Variants in FRMD5 observed in about 807,000 individuals in gnomAD.
FRMD5 encodes FERM domain containing 5, also known as FERM domain-containing protein 5.
In FRMD5, 20 loss-of-function variants were observed where a neutral mutation model predicts 69.0. The ratio of observed to expected loss-of-function variants is 0.29; its 90% confidence interval spans 0.20 to 0.42. The LOEUF is 0.42. FRMD5 is among the 10% of genes least tolerant of loss of function. The probability of loss-of-function intolerance (pLI) is 1.00; values close to 1 mark genes in which losing one functional copy is unlikely to be tolerated. For synonymous variants in FRMD5, 271 were observed against 260.1 expected (o/e 1.04, Z -0.40); for missense variants, 595 against 708.6 (o/e 0.84, Z 1.82).
At chr15:43,914,923 C>T (rs1245092158) in intron 4 of FRMD5, among the ~76,000 whole-genome samples, 2 of 152,018 alleles carry the variant, frequency 1.3e-5, no homozygotes, top group African/African-American at 4.8e-5. Context: ...GACAGGGTTT[C>T]ACCATTTTGG....
At chr15:44,010,206 T>C (rs1890649803) in intron 1 of FRMD5, among the ~76,000 whole-genome samples, 1 of 152,176 alleles carries the variant, frequency 6.6e-6, no homozygotes, top group African/African-American at 2.4e-5. Flanking sequence ...TGGCAATGAA[T>C]TACCAGAAAT....
chr15:44,038,520 C>CTTTATTTTTT (rs532847181), intron 1 of FRMD5, among the ~76,000 whole-genome samples: 2 of 63,200 alleles, frequency 3.2e-5, no homozygotes, highest in Non-Finnish European at 5.7e-5. Context: ...CTAGCCAGAG[C>CTTTATTTTTT]TTTTTTTTTT....
chr15:43,990,744 T>C (rs538721849), intron 1 of FRMD5, among the ~76,000 whole-genome samples: 2 of 152,284 alleles, frequency 1.3e-5, no homozygotes, highest in African/African-American at 2.4e-5. Context: ...AAGATAATAA[T>C]AACAGGTAAG....
chr15:43,957,274 C>A (rs893233906), intron 1 of FRMD5, among the ~76,000 whole-genome samples: 6 of 152,116 alleles, frequency 3.9e-5, no homozygotes, highest in African/African-American at 1.4e-4. Flanking sequence ...TGGCTCCCTG[C>A]AACCTCTACC....
rs145599031 is a variant in FRMD5 at position 43,991,740 on chromosome 15, T to C, written c.103-67431A>G. Among the ~76,000 whole-genome samples, 7 of 152,314 alleles carry C rather than the reference T, an allele frequency of 4.6e-5. No homozygotes were observed. In the East Asian group the frequency reaches 1.3e-3, roughly 29 times the overall value. On this transcript the variant is annotated intron_variant, in intron 1 of 13. Transcript: ENST00000417257. Reference sequence around the variant, plus strand: ...GGCCTACCAGGTAAGGGATTGATATTTTCAAACAGGGCACTGATGTGTTCT... The same window carrying C: ...GGCCTACCAGGTAAGGGATTGATATCTTCAAACAGGGCACTGATGTGTTCT...
At chr15:44,180,909 A>G (rs1200877740) in intron 1 of FRMD5, among the ~76,000 whole-genome samples, 1 of 152,262 alleles carries the variant, frequency 6.6e-6, no homozygotes, top group Non-Finnish European at 1.5e-5. Flanking sequence ...ATGATACTTG[A>G]GAATAAAATA....
chr15:44,167,667 G>A (rs1022398938), intron 1 of FRMD5, among the ~76,000 whole-genome samples: 3 of 151,460 alleles, frequency 2.0e-5, no homozygotes, highest in Non-Finnish European at 4.4e-5. Context: ...TTGGCTCACT[G>A]CAACCTCCGC....
rs2088211711 is a variant in FRMD5, at chr15:43,873,242, C to T, written c.*643G>A. On this transcript the variant is annotated 3_prime_UTR_variant, in exon 14 of 14. Transcript: ENST00000417257. ...CCCACTCTGCTCAGATTTGAAAAAA[C>T]AAAAGGAAAAGAAAATCCAACTCAG... 5 of 1,548,994 alleles carry T rather than the reference C, an allele frequency of 3.2e-6. No homozygotes were observed. Among genetic ancestry groups the T allele is most frequent in the Admixed American group, 4.0e-5 (2 of 50,548 alleles).
At chr15:44,056,020 C>A (rs1892857457) in intron 1 of FRMD5, among the ~76,000 whole-genome samples, 2 of 152,208 alleles carry the variant, frequency 1.3e-5, no homozygotes, top group Non-Finnish European at 1.5e-5. Flanking sequence ...ATAACCTCCT[C>A]CCTTATTCAT....
intron 13 of FRMD5, among the ~76,000 whole-genome samples, chr15:43,881,026 C>T (rs911512746): frequency 3.9e-5 from 6 of 152,200 alleles, no homozygotes; most frequent in Non-Finnish European, 7.3e-5. Context: ...GGCAGCAACT[C>T]TCAGTGAGTT....
chr15:44,133,725 GTGT>G (rs1378571531), intron 1 of FRMD5, among the ~76,000 whole-genome samples: 7 of 151,980 alleles, frequency 4.6e-5, no homozygotes, highest in African/African-American at 1.7e-4. Context: ...GAATAGGTTG[GTGT>G]TGTAACGATA....
At chr15:44,011,690 G>T (rs1450469018) in intron 1 of FRMD5, among the ~76,000 whole-genome samples, 16 of 152,106 alleles carry the variant, frequency 1.1e-4, no homozygotes, top group Non-Finnish European at 2.2e-4. Context: ...AAGGGTAAAG[G>T]GCAGAACCTT....
Position 43,988,949 on chromosome 15 carries a change from C to CAAAAA in FRMD5, c.103-64641_103-64640insTTTTT, listed in dbSNP as rs1889530973. 3 of 590,978 alleles carry CAAAAA rather than the reference C, an allele frequency of 5.1e-6. No homozygotes were observed. In the Admixed American group the frequency reaches 6.0e-5, roughly 12 times the overall value. 36.6% of individuals were successfully genotyped at this position (590,978 alleles called of 1,614,324 possible). On this transcript the variant is annotated intron_variant, in intron 1 of 13. Coordinates refer to ENST00000417257, the MANE Select transcript of FRMD5 (RefSeq NM_032892.5). ...CCAGTTTTTAAATCCTGAGTCGAGCCAAACAAAACAAAACAAAATAAAAAA... is the reference window on the plus strand; with the variant it reads ...CCAGTTTTTAAATCCTGAGTCGAGCCAAAAAAAACAAAACAAAACAAAATAAAAAA...
intron 1 of FRMD5, among the ~76,000 whole-genome samples, chr15:44,022,599 A>AT (rs1891258714): frequency 6.6e-6 from 1 of 150,934 alleles, no homozygotes; most frequent in South Asian, 2.1e-4. Flanking sequence ...AAAAAAAAAA[A>AT]AAAAAAAAGA....
intron 1 of FRMD5, among the ~76,000 whole-genome samples, chr15:44,094,443 G>C (rs769394353): frequency 8.5e-5 from 13 of 152,082 alleles, no homozygotes; most frequent in Non-Finnish European, 1.6e-4. Context: ...GTTCTTCTCA[G>C]ACACCTACAA....
At chr15:43,971,666 G>T (rs1307373480) in intron 1 of FRMD5, among the ~76,000 whole-genome samples, 1 of 151,068 alleles carries the variant, frequency 6.6e-6, no homozygotes. Flanking sequence ...CAATAGGGTT[G>T]AAATGACATT....
chr15:43,909,104 C>G (rs1345406507), intron 5 of FRMD5, among the ~76,000 whole-genome samples: 4 of 151,962 alleles, frequency 2.6e-5, no homozygotes, highest in African/African-American at 7.3e-5. Flanking sequence ...AAGCAAAATC[C>G]TCTAACTTGG....
At chr15:44,048,684 T>C (rs1346886445) in intron 1 of FRMD5, among the ~76,000 whole-genome samples, 1 of 152,142 alleles carries the variant, frequency 6.6e-6, no homozygotes, top group African/African-American at 2.4e-5. Context: ...GCGATTCTTG[T>C]GCCTCAACCT....
chr15:43,928,306 G>A (rs1385434403), intron 1 of FRMD5, among the ~76,000 whole-genome samples: 2 of 152,192 alleles, frequency 1.3e-5, no homozygotes, highest in South Asian at 2.1e-4. Context: ...TGGGGTGGGG[G>A]TGAGGGGAAT....
Sources: gnomAD v4.1 joint callset for allele counts (sites outside exome capture counted in the v4.1 genomes callset) on GRCh38, gnomAD v4.1.1 for gene constraint, MANE v1.5 for transcripts, NCBI Gene and HGNC (gene_info 2026-07-23, HGNC 2026-07-21) for gene names.